FBXL7: variants seen among roughly 807,000 people sequenced by gnomAD.
FBXL7 encodes F-box and leucine rich repeat protein 7, also known as F-box/LRR-repeat protein 7.
A neutral mutation model predicts 38.3 loss-of-function variants in FBXL7; 12 were observed. The ratio of observed to expected loss-of-function variants is 0.31; its 90% CI spans 0.20 to 0.51. The LOEUF (loss-of-function observed/expected upper bound fraction) is 0.51, where lower values mean the gene tolerates loss of function less well. Ranked by LOEUF, FBXL7 falls within the 20% of genes least tolerant of loss-of-function variation. FBXL7 has a pLI of 0.98. For missense variants in FBXL7, 567 were observed against 676.4 expected, an observed-to-expected ratio of 0.84 and a Z score of 1.79; for synonymous variants, 297 against 300.9, an observed-to-expected ratio of 0.99 and a Z score of 0.13.
chr5:15,873,096 G>A (rs1164866655), intron 2 of FBXL7, among the ~76,000 whole-genome samples: 1 of 152,190 alleles, frequency 6.6e-6, no homozygotes, highest in African/African-American at 2.4e-5. Context: ...AGTCCACAGT[G>A]CAATCAAATT....
intron 2 of FBXL7, among the ~76,000 whole-genome samples, chr5:15,662,457 T>G (rs1231833939): frequency 6.6e-6 from 1 of 152,230 alleles, no homozygotes; most frequent in East Asian, 1.9e-4. Context: ...GTAGGTTGTC[T>G]GTTTACTCTG....
intron 2 of FBXL7, among the ~76,000 whole-genome samples, chr5:15,754,655 G>T (rs867285632): frequency 6.6e-6 from 1 of 152,178 alleles, no homozygotes; most frequent in Admixed American, 6.5e-5. Context: ...TATTCTAAAA[G>T]TAAAATGAAA....
intron 2 of FBXL7, among the ~76,000 whole-genome samples, chr5:15,837,110 T>C (rs960901629): frequency 1.3e-5 from 2 of 152,190 alleles, no homozygotes; most frequent in African/African-American, 4.8e-5. Context: ...CCTAATACTT[T>C]AGTGACAAGT....
At chr5:15,730,533 A>G (rs1735554224) in intron 2 of FBXL7, among the ~76,000 whole-genome samples, 1 of 152,194 alleles carries the variant, frequency 6.6e-6, no homozygotes, top group Non-Finnish European at 1.5e-5. Flanking sequence ...ATAAAAATTC[A>G]AAATATATTG....
chr5:15,810,313 C>G (rs1000898970), intron 2 of FBXL7, among the ~76,000 whole-genome samples: 2 of 151,984 alleles, frequency 1.3e-5, no homozygotes, highest in Non-Finnish European at 2.9e-5. Context: ...GTAATCCCAG[C>G]ACTTTGGGAG....
chr5:15,645,010 A>G (rs1239026346), intron 2 of FBXL7, among the ~76,000 whole-genome samples: 1 of 152,102 alleles, frequency 6.6e-6, no homozygotes, highest in Non-Finnish European at 1.5e-5. Flanking sequence ...ATATTTAGCA[A>G]TTTTCATGGG....
At chr5:15,523,900 GA>G (rs1283984598) in intron 1 of FBXL7, among the ~76,000 whole-genome samples, 7 of 152,222 alleles carry the variant, frequency 4.6e-5, no homozygotes, top group African/African-American at 1.7e-4. Flanking sequence ...TAGCCTTGTG[GA>G]AGAGGGGAGA....
chr5:15,806,312 A>C (rs1411627856), intron 2 of FBXL7, among the ~76,000 whole-genome samples: 1 of 152,230 alleles, frequency 6.6e-6, no homozygotes, highest in Non-Finnish European at 1.5e-5. Flanking sequence ...GCTAGCACTT[A>C]GTGCATTAAT....
chr5:15,752,651 G>A (rs982549687), intron 2 of FBXL7, among the ~76,000 whole-genome samples: 1 of 152,172 alleles, frequency 6.6e-6, no homozygotes, highest in Non-Finnish European at 1.5e-5. Context: ...TATGCATCTT[G>A]ATATGCAATA....
At chr5:15,730,467 TC>T (rs1211487617) in intron 2 of FBXL7, among the ~76,000 whole-genome samples, 29 of 152,136 alleles carry the variant, frequency 1.9e-4, no homozygotes, top group Admixed American at 1.7e-3. Flanking sequence ...TCCTTCAAGG[TC>T]CCACAATATC....
intron 1 of FBXL7, among the ~76,000 whole-genome samples, chr5:15,536,694 C>T (rs568925026): frequency 1.2e-4 from 18 of 152,206 alleles, no homozygotes; most frequent in African/African-American, 3.6e-4. Context: ...GGCTCATAGG[C>T]GGAAGGGACT....
At chr5:15,578,681 C>G (rs181081652) in intron 1 of FBXL7, among the ~76,000 whole-genome samples, 2 of 152,262 alleles carry the variant, frequency 1.3e-5, no homozygotes, top group African/African-American at 4.8e-5. Flanking sequence ...GGAAATAGCC[C>G]AATCACCATG....
At chr5:15,610,544 T>A (rs1740198046) in intron 1 of FBXL7, among the ~76,000 whole-genome samples, 1 of 152,306 alleles carries the variant, frequency 6.6e-6, no homozygotes, top group Admixed American at 6.5e-5. Context: ...CCCCTTGTTT[T>A]TTCCCTCTGA....
chr5:15,688,969 G>T lies in FBXL7; in HGVS notation c.127+72897G>T, dbSNP rs375812609. Among the ~76,000 whole-genome samples, 11 of 152,242 alleles carry T rather than the reference G, an allele frequency of 7.2e-5. No homozygotes were observed. In the East Asian group the frequency reaches 2.1e-3, roughly 29 times the overall value. On this transcript the variant is annotated intron_variant, in intron 2 of 3. Coordinates refer to ENST00000504595, the MANE Select transcript of FBXL7 (RefSeq NM_012304.5). ...ACTGGGTAATTGGTTCAGAAAGAAA[G>T]GTCCTTTCCATCCTCAACTACCAAA...
At chr5:15,925,012 T>G (rs1022802058) in intron 2 of FBXL7, among the ~76,000 whole-genome samples, 12 of 152,170 alleles carry the variant, frequency 7.9e-5, no homozygotes, top group Non-Finnish European at 8.8e-5. Context: ...CCTCTAACAT[T>G]TTCTGCCAAA....
intron 2 of FBXL7, among the ~76,000 whole-genome samples, chr5:15,658,739 G>A (rs1007556838): frequency 2.0e-5 from 3 of 152,054 alleles, no homozygotes; most frequent in Non-Finnish European, 2.9e-5. Context: ...TAATCAGAAC[G>A]GAACAGAACA....
rs559909063 is a variant in FBXL7 at position 15,760,047 on chromosome 5, A to AT, written c.127+143985dup. 5.8e-3 allele frequency among the ~76,000 whole-genome samples: 866 copies of AT among 149,932 alleles called. 3 individuals carry two copies. The highest frequency in any genetic ancestry group is 0.01 in the Middle Eastern group (3 of 292). The stretch of plus-strand genomic sequence containing the variant: ...AGAAGGCACCTTTGAGAATTATTTC[A>AT]TTTTTTTTTTCAATTATTTGCTTTA... On this transcript the variant is annotated intron_variant, in intron 2 of 3. Coordinates refer to ENST00000504595, the MANE Select transcript of FBXL7 (RefSeq NM_012304.5).
At chr5:15,561,638 CA>C (rs1258029222) in intron 1 of FBXL7, among the ~76,000 whole-genome samples, 1 of 151,784 alleles carries the variant, frequency 6.6e-6, no homozygotes, top group African/African-American at 2.4e-5. Flanking sequence ...AATCACCATG[CA>C]TTTTTTTTTA....
At chr5:15,773,511 G>T (rs1010723090) in intron 2 of FBXL7, among the ~76,000 whole-genome samples, 11 of 151,792 alleles carry the variant, frequency 7.2e-5, no homozygotes, top group African/African-American at 2.7e-4. Context: ...TCTAGTCATG[G>T]TGTTGTGTGC....
Sources: gnomAD v4.1 joint callset for allele counts (sites outside exome capture counted in the v4.1 genomes callset) on GRCh38, gnomAD v4.1.1 for gene constraint, MANE v1.5 for transcripts, NCBI Gene and HGNC (gene_info 2026-07-23, HGNC 2026-07-21) for gene names.